The following APBB2 variants were observed in gnomAD, a reference collection of about 807,000 sequenced individuals.
APBB2 encodes amyloid beta precursor protein binding family B member 2.
In APBB2, 38 loss-of-function variants were observed where a neutral mutation model predicts 82.5. The ratio of observed to expected loss-of-function variants is 0.46; its 90% CI spans 0.36 to 0.60. The LOEUF is 0.60. Ranked by LOEUF, APBB2 falls within the 20% of genes least tolerant of loss-of-function variation. The probability of loss-of-function intolerance (pLI) is 0.00; values close to 1 mark genes in which losing one functional copy is unlikely to be tolerated. For missense variants in APBB2, 772 were observed against 972.3 expected, an observed-to-expected ratio of 0.79 and a Z score of 2.74; for synonymous variants, 341 against 368.2, an observed-to-expected ratio of 0.93 and a Z score of 0.85.
At chr4:40,827,287 G>A (rs1431064292) in intron 13 of APBB2, 68 bp from the exon 14 acceptor site, 2 of 1,397,564 alleles carry the variant, frequency 1.4e-6, no homozygotes, top group East Asian at 2.3e-5. Context: ...ATTCCAGCCT[G>A]TAAAGTGTCT....
In APBB2 at chr4:40,893,344, C is replaced by G; in HGVS notation, c.1322G>C (p.Ser441Thr). Reference sequence around the variant, plus strand: ...CCTGATGCAGTTGTTGACCGCAACACTACTTTTACCGGGGGCGAGGTCCTC... The same window carrying G: ...CCTGATGCAGTTGTTGACCGCAACAGTACTTTTACCGGGGGCGAGGTCCTC... ...AEEDLAPGKS[S>T]VAVNNCIRQL... Residue 441 changes from serine (S) to threonine (T), a missense_variant, in exon 11 of 18, where the codon AGT becomes ACT. Physicochemically the swap from Ser to Thr is moderately conservative, Grantham distance 58. Coordinates refer to ENST00000508593, the MANE Select transcript of APBB2 (RefSeq NM_004307.2). The G allele has an allele frequency of 6.2e-7, 1 of 1,613,692 alleles. No homozygotes were observed. The highest frequency in any genetic ancestry group is 8.5e-7 in the Non-Finnish European group (1 of 1,179,854).
chr4:41,091,333 G>GT (rs142417215), intron 3 of APBB2, among the ~76,000 whole-genome samples: 4,197 of 152,252 alleles, frequency 0.028, 108 homozygotes, highest in Non-Finnish European at 0.039. Context: ...CACGTCCAAA[G>GT]CAGCCCAAAC....
rs73142360 is a variant in APBB2, at chr4:41,162,842, G to C, written c.-416-19700C>G. On this transcript the variant is annotated intron_variant, in intron 1 of 17. Transcript: ENST00000508593. Reference sequence around the variant, plus strand: ...CCACTTCACTCTAGCCTGGGCAACAGAGTAAGACTCTGTTAAAATAAATAA... The same window carrying C: ...CCACTTCACTCTAGCCTGGGCAACACAGTAAGACTCTGTTAAAATAAATAA... 9.5e-3 allele frequency among the ~76,000 whole-genome samples: 1,451 copies of C among 152,294 alleles called. 33 individuals carry two copies. The highest frequency in any genetic ancestry group is 0.033 in the African/African-American group (1,371 of 41,556).
chr4:41,015,350 T>C (rs73809438), intron 5 of APBB2, among the ~76,000 whole-genome samples: 5,918 of 152,290 alleles, frequency 0.039, 392 homozygotes, highest in African/African-American at 0.13. Context: ...TCTCAATCTA[T>C]GAGGAGTGAC....
In APBB2 at chr4:40,810,676, ATTC is replaced by A. The variant is rs1228533909; in HGVS notation, c.*5413_*5415del. On this transcript the variant is annotated 3_prime_UTR_variant, in exon 18 of 18. Coordinates refer to ENST00000508593, the MANE Select transcript of APBB2 (RefSeq NM_004307.2). ...TTGTATTTTAAATCCCTGAAGAAGA[ATTC>A]TTCATGTTATCACTCTTGTACAGAA... is the stretch of plus-strand genomic sequence containing the variant. 2.0e-5 allele frequency: 3 copies of A among 152,056 alleles called. No homozygotes were observed. The highest frequency in any genetic ancestry group is 4.4e-5 in the Non-Finnish European group (3 of 68,000). The allele number at this position is 152,056 out of a possible 1,614,324, so 9.4% of individuals were successfully genotyped here. A position where few individuals can be genotyped will look rare whatever the true frequency, so the allele number is the denominator to read the frequency against.
intron 3 of APBB2, among the ~76,000 whole-genome samples, chr4:41,088,997 G>C (rs1451028895): frequency 1.3e-5 from 2 of 152,174 alleles, no homozygotes; most frequent in Non-Finnish European, 2.9e-5. Context: ...CTCAGAGAAA[G>C]GGGCATTAAT....
At chr4:40,956,356 G>GA (rs769147645) in intron 6 of APBB2, among the ~76,000 whole-genome samples, 31 of 152,156 alleles carry the variant, frequency 2.0e-4, no homozygotes, top group Non-Finnish European at 2.2e-4. Context: ...TCAACCAAAG[G>GA]AATCGGCAGA....
At chr4:40,862,387 G>A (rs939595026) in intron 12 of APBB2, among the ~76,000 whole-genome samples, 1 of 152,192 alleles carries the variant, frequency 6.6e-6, no homozygotes, top group African/African-American at 2.4e-5. Context: ...TCTGAATGTG[G>A]AAGCCACTTC....
chr4:40,859,311 T>C (rs2154333863), intron 12 of APBB2, among the ~76,000 whole-genome samples: 1 of 150,274 alleles, frequency 6.7e-6, no homozygotes, highest in African/African-American at 2.5e-5. Context: ...TTTGAGACAG[T>C]GTCTCACTAG....
intron 2 of APBB2, among the ~76,000 whole-genome samples, chr4:41,115,675 A>C (rs1361911632): frequency 6.6e-6 from 1 of 152,268 alleles, no homozygotes; most frequent in Non-Finnish European, 1.5e-5. Flanking sequence ...GACACTTCTC[A>C]AAAGAAAACA....
At chr4:40,979,952 A>G (rs1187563570) in intron 6 of APBB2, among the ~76,000 whole-genome samples, 1 of 152,326 alleles carries the variant, frequency 6.6e-6, no homozygotes, top group East Asian at 1.9e-4. Flanking sequence ...GCGGCAATAG[A>G]AAACTAATAT....
intron 12 of APBB2, among the ~76,000 whole-genome samples, chr4:40,870,568 T>G (rs1235282631): frequency 6.6e-6 from 1 of 151,324 alleles, no homozygotes; most frequent in East Asian, 1.9e-4. Context: ...GACAGCTGGG[T>G]GAGGAAGATG....
At chr4:40,880,889 G>GT (rs1768280586) in intron 12 of APBB2, 2 of 984,838 alleles carry the variant, frequency 2.0e-6, no homozygotes, top group Non-Finnish European at 2.4e-6. Context: ...AATGGACGAG[G>GT]TATTTCTCAG....
At chr4:40,821,729 A>T in intron 17 of APBB2, 142 bp downstream of exon 17, 1 of 963,132 alleles carries the variant, frequency 1.0e-6, no homozygotes, top group Non-Finnish European at 1.5e-6. Context: ...TTCTGGCCCT[A>T]GGAATGACGG....
intron 3 of APBB2, among the ~76,000 whole-genome samples, chr4:41,066,526 C>T (rs188025196): frequency 6.6e-6 from 1 of 152,296 alleles, no homozygotes; most frequent in East Asian, 1.9e-4. Context: ...ATGGGATGAG[C>T]ATAATCATTG....
intron 5 of APBB2, among the ~76,000 whole-genome samples, chr4:41,030,793 A>G (rs564174507): frequency 1.3e-5 from 2 of 152,282 alleles, no homozygotes; most frequent in East Asian, 3.9e-4. Context: ...TCTGAAAGGG[A>G]AAAAATGTTA....
chr4:41,192,811 GAT>G (rs1394313703), intron 1 of APBB2, among the ~76,000 whole-genome samples: 2 of 152,114 alleles, frequency 1.3e-5, no homozygotes, highest in African/African-American at 4.8e-5. Flanking sequence ...TGAGATGATG[GAT>G]ATGTTAATTT....
chr4:41,060,521 C>T (rs1729433262), intron 4 of APBB2, among the ~76,000 whole-genome samples: 1 of 152,138 alleles, frequency 6.6e-6, no homozygotes, highest in Non-Finnish European at 1.5e-5. Flanking sequence ...CAAGATGACT[C>T]CACAAATACT....
intron 4 of APBB2, among the ~76,000 whole-genome samples, chr4:41,050,665 A>G (rs1725612634): frequency 6.6e-6 from 1 of 152,232 alleles, no homozygotes; most frequent in African/African-American, 2.4e-5. Flanking sequence ...CTAACCATGC[A>G]CAATTAGCAA....
Sources: allele counts gnomAD v4.1 joint callset (sites outside exome capture counted in the v4.1 genomes callset), GRCh38; gene constraint gnomAD v4.1.1; transcripts MANE v1.5; gene names NCBI Gene and HGNC (gene_info 2026-07-23, HGNC 2026-07-21).